SLC17A1: variants seen among roughly 807,000 people sequenced by gnomAD.
SLC17A1 encodes sodium-dependent phosphate transport protein 1.
Under a neutral mutation model 53.5 loss-of-function variants are expected in SLC17A1, and 51 were observed. That is an observed-to-expected ratio of 0.95 (90% CI 0.76 to 1.20). SLC17A1 has a LOEUF of 1.20. Ranked by LOEUF, SLC17A1 falls within the 50% of genes most tolerant of loss-of-function variation. The pLI, the probability that SLC17A1 is intolerant of heterozygous loss-of-function variation, is 0.00. For missense variants in SLC17A1, 538 were observed against 568.2 expected, an observed-to-expected ratio of 0.95 and a Z score of 0.54; for synonymous variants, 179 against 198.8, an observed-to-expected ratio of 0.90 and a Z score of 0.84.
chr6:25,810,882 C>G (rs1212291942), intron 10 of SLC17A1, among the ~76,000 whole-genome samples: 1 of 152,024 alleles, frequency 6.6e-6, no homozygotes, highest in African/African-American at 2.4e-5. Flanking sequence ...AATGGCATAA[C>G]AAACATGTGG....
At chr6:25,797,200 A>G (rs1359320961) in intron 12 of SLC17A1, among the ~76,000 whole-genome samples, 2 of 152,100 alleles carry the variant, frequency 1.3e-5, no homozygotes, top group East Asian at 1.9e-4. Context: ...CTACCACACC[A>G]TTTCTCTAAT....
the SLC17A1 span, among the ~76,000 whole-genome samples, chr6:25,776,158 T>C: frequency 2.0e-5 from 3 of 149,284 alleles, no homozygotes; most frequent in African/African-American, 4.9e-5. Context: ...CAAAAAAAAA[T>C]GGGTGTTTTT....
chr6:25,744,102 T>A, the SLC17A1 span, among the ~76,000 whole-genome samples: 1 of 152,176 alleles, frequency 6.6e-6, no homozygotes, highest in Non-Finnish European at 1.5e-5. Context: ...ACTAATCTAA[T>A]ATGACTAGAG....
intron 12 of SLC17A1, among the ~76,000 whole-genome samples, chr6:25,785,271 G>A (rs951519357): frequency 6.6e-6 from 1 of 152,098 alleles, no homozygotes; most frequent in Non-Finnish European, 1.5e-5. Flanking sequence ...AGCTAAGGCT[G>A]CTATAACAAA....
At chr6:25,798,983 T>G in intron 11 of SLC17A1, 64 bp from the exon 12 acceptor site, 1 of 1,434,350 alleles carries the variant, frequency 7.0e-7, no homozygotes, top group Non-Finnish European at 9.4e-7. Context: ...TTGTAATGTT[T>G]AAAATGTAAT....
chr6:25,815,603 T>C (rs976596170), intron 6 of SLC17A1, among the ~76,000 whole-genome samples: 2 of 152,128 alleles, frequency 1.3e-5, no homozygotes, highest in Non-Finnish European at 2.9e-5. Context: ...ACATTCGCTA[T>C]AGGAAAAATT....
chr6:25,774,414 T>C, the SLC17A1 span, among the ~76,000 whole-genome samples: 2 of 152,178 alleles, frequency 1.3e-5, no homozygotes, highest in Non-Finnish European at 2.9e-5. Flanking sequence ...CCTTCTCGTA[T>C]TGATTGGGTT....
chr6:25,742,091 G>A, the SLC17A1 span, among the ~76,000 whole-genome samples: 10 of 152,166 alleles, frequency 6.6e-5, no homozygotes, highest in African/African-American at 2.4e-4. Context: ...AAGCCAAACC[G>A]GTCATTGTTG....
chr6:25,828,671 T>C (rs901741618), intron 2 of SLC17A1, among the ~76,000 whole-genome samples: 1 of 152,082 alleles, frequency 6.6e-6, no homozygotes, highest in Non-Finnish European at 1.5e-5. Flanking sequence ...TTGCTTTATA[T>C]ATTGGAAGCT....
chr6:25,798,823 G>A lies in SLC17A1; in HGVS notation c.1366C>T (p.Gln456Ter), dbSNP rs770780945. 1 of 1,609,724 alleles carries A rather than the reference G, an allele frequency of 6.2e-7. No individual in the cohort carries two copies. Among genetic ancestry groups the A allele is most frequent in the African/African-American group, 1.3e-5 (1 of 74,844 alleles). The stretch of plus-strand genomic sequence containing the variant: ...TGTTGTTTTTCTTTAGCCCAGTCCT[G>A]AATTTCTGCTGTAGCAACTATAAGG... ...FYLIVATAEI[Q>*]DWAKEKQHTR... Residue 456 changes from glutamine (Q) to a stop codon, truncating the protein, a stop_gained, in exon 12 of 13, where the codon CAG (glutamine) becomes TAG (stop). Coordinates refer to ENST00000244527, the MANE Select transcript of SLC17A1 (RefSeq NM_005074.5). LOFTEE classifies it high-confidence loss of function.
At chr6:25,741,081 G>A in the SLC17A1 span, among the ~76,000 whole-genome samples, 1 of 152,062 alleles carries the variant, frequency 6.6e-6, no homozygotes, top group Non-Finnish European at 1.5e-5. Flanking sequence ...AAAGGAATAA[G>A]TTCTACCATT....
At chr6:25,779,269 T>A, downstream of SLC17A1, 1 of 1,570,926 alleles carries the variant, frequency 6.4e-7, no homozygotes, top group Non-Finnish European at 8.7e-7. Context: ...CATGCCTGCT[T>A]GACTGATAAG....
chr6:25,800,150 T>G (rs554420012), intron 11 of SLC17A1, among the ~76,000 whole-genome samples: 1 of 152,144 alleles, frequency 6.6e-6, no homozygotes, highest in Non-Finnish European at 1.5e-5. Context: ...GTGTAGTCCT[T>G]TGTGAGTACA....
At chr6:25,730,533 G>T in the SLC17A1 span, among the ~76,000 whole-genome samples, 12 of 152,266 alleles carry the variant, frequency 7.9e-5, no homozygotes, top group Middle Eastern at 6.8e-3. Context: ...TAAAGGATAT[G>T]AAATTTCACT....
the SLC17A1 span, among the ~76,000 whole-genome samples, chr6:25,775,831 T>C: frequency 0.079 from 12,023 of 152,236 alleles, 888 homozygotes; most frequent in African/African-American, 0.2. Context: ...AACAGTATAC[T>C]TAGTAATATG....
At chr6:25,771,135 G>A in the SLC17A1 span, 2 of 778,580 alleles carry the variant, frequency 2.6e-6, no homozygotes, top group Admixed American at 2.1e-5. Context: ...AGTGTTCAGA[G>A]CCAACTACAT....
chr6:25,812,704 C>A (rs1018775222), intron 8 of SLC17A1, 127 bp downstream of exon 8: 1 of 656,080 alleles, frequency 1.5e-6, no homozygotes, highest in East Asian at 2.8e-5. Context: ...CAGTTAGTTT[C>A]CAGGTGAAGA....
At chr6:25,745,780 A>C in the SLC17A1 span, among the ~76,000 whole-genome samples, 1 of 152,216 alleles carries the variant, frequency 6.6e-6, no homozygotes, top group South Asian at 2.1e-4. Context: ...CAATACTCTG[A>C]TACAGTGGCT....
chr6:25,770,194 G>A, the SLC17A1 span: 3 of 1,613,960 alleles, frequency 1.9e-6, no homozygotes, highest in Admixed American at 3.3e-5. Context: ...TATGTGGTTG[G>A]TGCTGGCTTG....
Sources: gnomAD v4.1 joint callset for allele counts (sites outside exome capture counted in the v4.1 genomes callset) on GRCh38, gnomAD v4.1.1 for gene constraint, MANE v1.5 for transcripts, NCBI Gene and HGNC (gene_info 2026-07-23, HGNC 2026-07-21) for gene names.